BFSP1: variants seen among roughly 807,000 people sequenced by gnomAD.
The protein encoded by BFSP1 is filensin.
BFSP1 carries 38 observed loss-of-function variants against 43.9 expected under a neutral mutation model. The observed-to-expected ratio is 0.87, with a 90% CI of 0.67 to 1.14. BFSP1 has a LOEUF of 1.14. Among genes scored for constraint, BFSP1 ranks in the 50% most tolerant of loss-of-function variants. BFSP1 has a pLI of 0.00. For missense variants in BFSP1, 850 were observed against 875.1 expected (o/e 0.97, Z 0.36); for synonymous variants, 352 against 354.8 (o/e 0.99, Z 0.09).
At chr20:17,499,069 T>C in intron 5 of BFSP1, 29 bp from the exon 6 acceptor site, 1 of 1,599,424 alleles carries the variant, frequency 6.3e-7, no homozygotes, top group Non-Finnish European at 8.6e-7. Context: ...TGTAAGAAAA[T>C]CCATCCCCCT....
In BFSP1 at chr20:17,507,534, T is replaced by C. The variant is rs1175484008; in HGVS notation, c.735+1355A>G. On this transcript the variant is annotated intron_variant, in intron 5 of 7. Coordinates refer to ENST00000377873, the MANE Select transcript of BFSP1 (RefSeq NM_001195.5). The surrounding 1 kb of genome is among the most constrained non-coding windows in gnomAD (Gnocchi z 4.4). ...GTCTCTAGGACCACGACTGGGCTTG[T>C]ATCCACGTCCCTATTCACATACACA... Among the ~76,000 whole-genome samples the C allele has an allele frequency of 1.3e-5, 2 of 151,998 alleles. No individual in the cohort carries two copies. The highest frequency in any genetic ancestry group is 6.6e-5 in the Admixed American group (1 of 15,260).
intron 1 of BFSP1, among the ~76,000 whole-genome samples, chr20:17,568,852 T>C (rs925469221): frequency 6.6e-6 from 1 of 151,840 alleles, no homozygotes; most frequent in African/African-American, 2.4e-5. Flanking sequence ...ATTTGGAGAA[T>C]TAAAATAGTT....
rs147656522 is a variant in BFSP1 at position 17,568,386 on chromosome 20, A to T, written n.50+785T>A. Among the ~76,000 whole-genome samples the T allele has an allele frequency of 2.2e-3, 338 of 152,206 alleles. 3 individuals carry two copies. Among genetic ancestry groups the T allele is most frequent in the African/African-American group, 7.6e-3 (317 of 41,514 alleles). ...CTTTTGGACTAGAAAGGAAGTCTGA[A>T]TATTAAGAAGTGTAAGGGCCACAGG... On this transcript the variant is annotated intron_variant and non_coding_transcript_variant, in intron 1 of 6. Coordinates refer to the BFSP1 transcript ENST00000473415.
At chr20:17,516,862 C>A (rs1336672772) in intron 2 of BFSP1, 9 of 645,580 alleles carry the variant, frequency 1.4e-5, no homozygotes, top group African/African-American at 3.6e-5. Flanking sequence ...TTTGTGAAAA[C>A]CCTCACAGGG....
intron 7 of BFSP1, among the ~76,000 whole-genome samples, chr20:17,495,906 AG>A (rs2033620627): frequency 1.4e-5 from 2 of 144,526 alleles, no homozygotes; most frequent in African/African-American, 5.8e-5. Context: ...CAATAAAAAG[AG>A]AGCCAGGTGA....
intron 2 of BFSP1, among the ~76,000 whole-genome samples, chr20:17,523,092 C>G (rs990271843): frequency 3.9e-5 from 6 of 152,230 alleles, no homozygotes; most frequent in Admixed American, 6.5e-5. Context: ...CACTCTATGT[C>G]ACAATATACA....
Position 17,514,824 on chromosome 20 carries a change from G to A in BFSP1, c.439-8C>T. On this transcript the variant is annotated splice_polypyrimidine_tract_variant and splice_region_variant and intron_variant, in intron 2 of 7. Transcript: ENST00000377873. ...CAAGGCTTCATCAGCTTCCTGCAAT[G>A]AGAGCCACATATCCCTGGCCACAGG... 1.2e-6 allele frequency: 2 copies of A among 1,612,846 alleles called. No individual in the cohort carries two copies. Among genetic ancestry groups the A allele is most frequent in the East Asian group, 2.2e-5 (1 of 44,842 alleles).
chr20:17,505,043 C>G (rs1422873845), intron 5 of BFSP1, among the ~76,000 whole-genome samples: 4 of 151,956 alleles, frequency 2.6e-5, no homozygotes, highest in Non-Finnish European at 5.9e-5. Context: ...ATGGGCGGTT[C>G]CCACTTTGCA....
intron 2 of BFSP1, among the ~76,000 whole-genome samples, chr20:17,522,798 G>T (rs772163240): frequency 6.6e-6 from 1 of 152,228 alleles, no homozygotes; most frequent in African/African-American, 2.4e-5. Context: ...CCTATGGTGG[G>T]TGGGGAGTAT....
intron 1 of BFSP1, among the ~76,000 whole-genome samples, chr20:17,556,584 G>T (rs185677667): frequency 6.6e-6 from 1 of 152,012 alleles, no homozygotes; most frequent in Non-Finnish European, 1.5e-5. Flanking sequence ...TCTATCTATC[G>T]TGTGTGTAAA....
intron 1 of BFSP1, among the ~76,000 whole-genome samples, chr20:17,545,994 A>G (rs1414047122): frequency 6.6e-6 from 1 of 152,160 alleles, no homozygotes; most frequent in Non-Finnish European, 1.5e-5. Context: ...CTCGTCTTTC[A>G]TCACACTTTA....
At chr20:17,505,902 G>A (rs1404190794) in intron 5 of BFSP1, among the ~76,000 whole-genome samples, 1 of 152,200 alleles carries the variant, frequency 6.6e-6, no homozygotes, top group African/African-American at 2.4e-5. Context: ...TTTGGCCCCC[G>A]TGACCTTTTC....
rs1385489843 is a variant in BFSP1 at position 17,507,967 on chromosome 20, G to A, written c.735+922C>T. ...AAAATGAAATCCTGAGCAGACATGGGGGCACTGGAAATCAATAAAAAGCGC... is the reference window on the plus strand; with the variant it reads ...AAAATGAAATCCTGAGCAGACATGGAGGCACTGGAAATCAATAAAAAGCGC... On this transcript the variant is annotated intron_variant, in intron 5 of 7. Transcript: ENST00000377873. This position sits in a 1 kb window ranked among gnomAD's most constrained non-coding sequence, Gnocchi z 4.4. 6.6e-6 allele frequency among the ~76,000 whole-genome samples: 1 copy of A among 152,114 alleles called. No individual in the cohort carries two copies. The highest frequency in any genetic ancestry group is 1.5e-5 in the Non-Finnish European group (1 of 68,024).
intron 1 of BFSP1, among the ~76,000 whole-genome samples, chr20:17,527,645 G>A (rs536132972): frequency 5.3e-5 from 8 of 152,098 alleles, no homozygotes; most frequent in South Asian, 4.2e-4. Context: ...GGAGAATAGC[G>A]TGAACCCAGG....
upstream of BFSP1, chr20:17,531,480 C>T: frequency 8.9e-7 from 1 of 1,127,358 alleles, no homozygotes; most frequent in Non-Finnish European, 1.1e-6. Flanking sequence ...CCACGCTGGG[C>T]CCGGGCGCGG....
At position 17,531,114 on chromosome 20, in the gene BFSP1, C is replaced by T; in HGVS notation, c.216G>A (p.Leu72=). The T allele has an allele frequency of 1.5e-6, 2 of 1,339,872 alleles. No homozygotes were observed. Among genetic ancestry groups the T allele is most frequent in the South Asian group, 3.8e-5 (2 of 52,798 alleles). 83.0% of individuals were successfully genotyped at this position (1,339,872 alleles called of 1,614,324 possible). A position where few individuals can be genotyped will look rare whatever the true frequency, so the allele number is the denominator to read the frequency against. Residue 72 remains leucine (L), a synonymous_variant, in exon 1 of 8, where the codon CTG becomes CTA. Coordinates refer to ENST00000377873, the MANE Select transcript of BFSP1 (RefSeq NM_001195.5). ...EQRHAGLRRQ[L]DAFQRLGELA... ...GCTCGCCCAGGCGCTGGAAGGCATC[C>T]AGCTGCCTCCGGAGCCCGGCATGGC...
Position 17,553,698 on chromosome 20 carries a change from T to C in BFSP1, c.2+4990A>G, listed in dbSNP as rs2034931563. ...TAGATAAGGTGATCATCAAGGCCTT[T>C]CGGATTTATTAGTAGAGAGCTCATC... is the stretch of plus-strand genomic sequence containing the variant. On this transcript the variant is annotated intron_variant, in intron 1 of 7. Coordinates refer to the BFSP1 transcript ENST00000377868. Among the ~76,000 whole-genome samples, 3 of 150,414 alleles carry C rather than the reference T, an allele frequency of 2.0e-5. No individual in the cohort carries two copies. In the Admixed American group the frequency reaches 2.0e-4, roughly 10 times the overall value.
At chr20:17,555,470 T>C (rs1436121573) in intron 1 of BFSP1, among the ~76,000 whole-genome samples, 1 of 149,860 alleles carries the variant, frequency 6.7e-6, no homozygotes, top group African/African-American at 2.5e-5. Flanking sequence ...CTGACCAACA[T>C]TGTGATGTCC....
rs1156368398 is a variant in BFSP1 at position 17,514,782 on chromosome 20, A to C, written c.473T>G (p.Leu158Arg). The change falls in exon 3 of 8, where the codon CTT (leucine) becomes CGT (arginine). Residue 158 changes from leucine to arginine, a missense_variant. Transcript: ENST00000377873. ...TTGCAGAAATTGGGCTTCCAGCTGA[A>C]GGCGTAGGTTATGCAGCAAGGCTTC... ...ADEALLHNLRLQLEAQFLQDD... is the reference protein window; with the variant it reads ...ADEALLHNLRRQLEAQFLQDD... 3 of 1,613,890 alleles carry C rather than the reference A, an allele frequency of 1.9e-6. No individual in the cohort carries two copies. The African/African-American group carries it at 4.0e-5, about 22-fold the overall frequency.
Sources: gnomAD v4.1 joint callset for allele counts (sites outside exome capture counted in the v4.1 genomes callset) on GRCh38, gnomAD v4.1.1 for gene constraint, Gnocchi (gnomAD v3.1) non-coding constraint, MANE v1.5 for transcripts, NCBI Gene and HGNC (gene_info 2026-07-23, HGNC 2026-07-21) for gene names.